CLNK: variants seen among roughly 807,000 people sequenced by gnomAD.
CLNK encodes the protein cytokine-dependent hematopoietic cell linker.
A neutral mutation model predicts 68.6 loss-of-function variants in CLNK; 74 were observed. The ratio of observed to expected loss-of-function variants is 1.08; its 90% confidence interval spans 0.89 to 1.31. The LOEUF (loss-of-function observed/expected upper bound fraction) is 1.31. Among genes scored for constraint, CLNK ranks in the 50% most tolerant of loss-of-function variants. The pLI is 0.00. For synonymous variants in CLNK, 198 were observed against 172.2 expected, an observed-to-expected ratio of 1.15 and a Z score of -1.17; for missense variants, 553 against 515.3, an observed-to-expected ratio of 1.07 and a Z score of -0.71.
chr4:10,611,208 T>C (rs2531188), intron 2 of CLNK, among the ~76,000 whole-genome samples: 105,302 of 151,584 alleles, frequency 0.69, 37,403 homozygotes, highest in Non-Finnish European at 0.77. Context: ...ATCCCAGATA[T>C]TTGGGAGGCT....
chr4:10,585,539 G>A (rs1392154823), intron 3 of CLNK, among the ~76,000 whole-genome samples: 1 of 152,078 alleles, frequency 6.6e-6, no homozygotes, highest in African/African-American at 2.4e-5. Context: ...CTTTCACCAC[G>A]TGGCTGCACC....
At chr4:10,524,534 A>T (rs1019624036) in intron 14 of CLNK, among the ~76,000 whole-genome samples, 2 of 152,168 alleles carry the variant, frequency 1.3e-5, no homozygotes, top group African/African-American at 4.8e-5. Context: ...ATAATTATTG[A>T]ATCAATTAAA....
At chr4:10,540,434 C>T in intron 11 of CLNK, 60 bp downstream of exon 11, 1 of 1,297,322 alleles carries the variant, frequency 7.7e-7, no homozygotes, top group Non-Finnish European at 1.1e-6. Flanking sequence ...TTTCCCTTGT[C>T]CCCCTCCCCC....
intron 1 of CLNK, among the ~76,000 whole-genome samples, chr4:10,668,205 C>T (rs1724483078): frequency 6.6e-6 from 1 of 152,136 alleles, no homozygotes; most frequent in Non-Finnish European, 1.5e-5. Flanking sequence ...TGTGTGCTTC[C>T]CCTGGGCACC....
chr4:10,525,663 GAAC>G (rs960892098), intron 14 of CLNK, among the ~76,000 whole-genome samples, 175 bp downstream of exon 14: 11 of 152,168 alleles, frequency 7.2e-5, no homozygotes, highest in African/African-American at 2.6e-4. Context: ...ATTTCCAAAA[GAAC>G]AACATTATTA....
chr4:10,638,084 C>T (rs1412309049), intron 2 of CLNK, among the ~76,000 whole-genome samples: 1 of 152,152 alleles, frequency 6.6e-6, no homozygotes, highest in Non-Finnish European at 1.5e-5. Flanking sequence ...GCACTGGTCT[C>T]CTGAATGTAG....
chr4:10,682,169 C>G (rs1725119214), intron 1 of CLNK, among the ~76,000 whole-genome samples: 4 of 151,618 alleles, frequency 2.6e-5, no homozygotes, highest in Admixed American at 2.6e-4. Flanking sequence ...TTCGTTATTG[C>G]TGATATCTAA....
chr4:10,500,774 AT>A (rs1452736800), intron 18 of CLNK, among the ~76,000 whole-genome samples: 6 of 152,136 alleles, frequency 3.9e-5, no homozygotes, highest in Non-Finnish European at 8.8e-5. Flanking sequence ...GAATATTTTA[AT>A]TGATTCACTC....
At chr4:10,655,447 G>T (rs551360973) in intron 2 of CLNK, among the ~76,000 whole-genome samples, 3 of 151,750 alleles carry the variant, frequency 2.0e-5, no homozygotes, top group Non-Finnish European at 4.4e-5. Flanking sequence ...ACGTCCTGCT[G>T]AAGTGCTAGC....
the CLNK span, among the ~76,000 whole-genome samples, chr4:10,732,927 T>G: frequency 6.6e-6 from 1 of 152,168 alleles, no homozygotes; most frequent in Non-Finnish European, 1.5e-5. Flanking sequence ...GCTGCTCCCT[T>G]TTGGCGGGAG....
chr4:10,708,450 A>T, the CLNK span, among the ~76,000 whole-genome samples: 1 of 152,174 alleles, frequency 6.6e-6, no homozygotes, highest in African/African-American at 2.4e-5. Flanking sequence ...GCCCAAGGTG[A>T]CATGCCCATC....
rs532336611 is a variant in CLNK at position 10,611,293 on chromosome 4, G to A, written c.12-13244C>T. Reference sequence around the variant, plus strand: ...AGATCACAGTACTGCACTCCAGCCTGGTGACAGAGCAAGGCTCCGTCTCAA... The same window carrying A: ...AGATCACAGTACTGCACTCCAGCCTAGTGACAGAGCAAGGCTCCGTCTCAA... On this transcript the variant is annotated intron_variant, in intron 2 of 18. Coordinates refer to ENST00000226951, the MANE Select transcript of CLNK (RefSeq NM_052964.4). 2.6e-5 allele frequency among the ~76,000 whole-genome samples: 4 copies of A among 152,192 alleles called. No individual in the cohort carries two copies. The South Asian group carries it at 6.2e-4, about 24-fold the overall frequency.
intron 7 of CLNK, 138 bp downstream of exon 7, chr4:10,564,533 C>T (rs1720022790): frequency 3.1e-6 from 2 of 644,580 alleles, no homozygotes; most frequent in Admixed American, 2.4e-5. Flanking sequence ...TCATAAGAGT[C>T]ACCTCCCATC....
intron 2 of CLNK, among the ~76,000 whole-genome samples, chr4:10,617,915 A>G (rs1722298083): frequency 6.6e-6 from 1 of 151,814 alleles, no homozygotes; most frequent in African/African-American, 2.4e-5. Flanking sequence ...CTGAATCACT[A>G]GTGTTTTAGT....
At chr4:10,621,204 G>A (rs566783122) in intron 2 of CLNK, among the ~76,000 whole-genome samples, 4 of 152,176 alleles carry the variant, frequency 2.6e-5, no homozygotes, top group Non-Finnish European at 5.9e-5. Context: ...AGCCCAGGAC[G>A]TTTTTCCACA....
chr4:10,682,584 A>G (rs1273847654), intron 1 of CLNK, among the ~76,000 whole-genome samples: 1 of 152,182 alleles, frequency 6.6e-6, no homozygotes, highest in Non-Finnish European at 1.5e-5. Flanking sequence ...CAAATTACAC[A>G]ACTCCAACAA....
chr4:10,557,662 T>A (rs1719730446), intron 8 of CLNK, among the ~76,000 whole-genome samples: 1 of 152,246 alleles, frequency 6.6e-6, no homozygotes, highest in African/African-American at 2.4e-5. Context: ...CCTTAAATTA[T>A]CCTAATTTGA....
intron 17 of CLNK, among the ~76,000 whole-genome samples, chr4:10,506,774 A>G (rs1717311513): frequency 6.6e-6 from 1 of 152,156 alleles, no homozygotes; most frequent in Middle Eastern, 3.2e-3. Context: ...AATTAGCATG[A>G]CCAAGCCTCA....
chr4:10,618,406 CT>C (rs1050634600), intron 2 of CLNK, among the ~76,000 whole-genome samples: 2 of 152,110 alleles, frequency 1.3e-5, no homozygotes, highest in African/African-American at 4.8e-5. Flanking sequence ...TATAAGAAAT[CT>C]TATTAGGTTG....
Sources: allele counts gnomAD v4.1 joint callset (sites outside exome capture counted in the v4.1 genomes callset), GRCh38; gene constraint gnomAD v4.1.1; transcripts MANE v1.5; gene names NCBI Gene and HGNC (gene_info 2026-07-23, HGNC 2026-07-21).